The following COL4A5 variants were observed in gnomAD, a reference collection of about 807,000 sequenced individuals.
COL4A5 encodes the protein collagen type IV alpha 5 chain, also known as collagen alpha-5(IV) chain.
COL4A5 carries 26 observed loss-of-function variants against 130.2 expected under a neutral mutation model. That is an observed-to-expected ratio of 0.20 (90% CI 0.15 to 0.28). The LOEUF is 0.28. COL4A5 is among the 10% of genes least tolerant of loss of function. The pLI is 1.00. For missense variants in COL4A5, 1,131 were observed against 1,344.3 expected, an observed-to-expected ratio of 0.84 and a Z score of 2.48; for synonymous variants, 496 against 439.6, an observed-to-expected ratio of 1.13 and a Z score of -1.60.
chrX:108,642,440 A>C (rs750442245), intron 36 of COL4A5, among the ~76,000 whole-genome samples: 1 of 111,274 alleles, frequency 9.0e-6, no homozygotes, highest in South Asian at 3.8e-4. Context: ...CAGCCCCAAA[A>C]TAGAGCATTA....
In COL4A5 at chrX:108,652,958, T is replaced by C. The variant is rs143291882; in HGVS notation, c.3247-2373T>C. Among the ~76,000 whole-genome samples the C allele has an allele frequency of 7.1e-3, 794 of 111,848 alleles. 8 individuals are homozygous for C. Among genetic ancestry groups the C allele is most frequent in the African/African-American group, 0.025 (756 of 30,800 alleles). On this transcript the variant is annotated intron_variant, in intron 36 of 52. Coordinates refer to ENST00000328300, the MANE Select transcript of COL4A5 (RefSeq NM_033380.3). ...GTGTGTCCGAGTCATTCAAATCGCT[T>C]CTACCTAGAAGTGCAAATAGATTTG...
intron 43 of COL4A5, among the ~76,000 whole-genome samples, chrX:108,676,748 A>T (rs1405224352): frequency 8.9e-6 from 1 of 112,142 alleles, no homozygotes; most frequent in Admixed American, 9.5e-5. Flanking sequence ...GCATAGTAAT[A>T]AAAGCTGAAT....
At position 108,440,062 on chromosome X, in the gene COL4A5, A is replaced by T. The variant is rs1306955231; in HGVS notation, c.-64A>T. On this transcript the variant is annotated 5_prime_UTR_variant, in exon 1 of 53. Transcript: ENST00000328300. ...CCATATAAACCCTCAAGATTATGTCAATTGGTTAGAGCCAGCCGGGAATTT... is the reference window on the plus strand; with the variant it reads ...CCATATAAACCCTCAAGATTATGTCTATTGGTTAGAGCCAGCCGGGAATTT... 16 of 880,647 alleles carry T rather than the reference A, an allele frequency of 1.8e-5. No homozygotes were observed. Among genetic ancestry groups the T allele is most frequent in the Non-Finnish European group, 2.6e-5 (16 of 604,280 alleles). 72.6% of individuals were successfully genotyped at this position (880,647 alleles called of 1,213,427 possible).
intron 1 of COL4A5, among the ~76,000 whole-genome samples, chrX:108,494,613 T>G (rs2065019037): frequency 9.0e-6 from 1 of 110,505 alleles, no homozygotes; most frequent in Non-Finnish European, 1.9e-5. Flanking sequence ...TCAGTGCACT[T>G]CTAAGTTAGA....
chrX:108,652,573 A>C (rs868643679), intron 36 of COL4A5, among the ~76,000 whole-genome samples: 3 of 112,496 alleles, frequency 2.7e-5, no homozygotes, highest in Non-Finnish European at 5.6e-5. Context: ...TTTTACCAAT[A>C]GATGTCTTCT....
At chrX:108,689,858 G>T in intron 49 of COL4A5, 1 of 753,694 alleles carries the variant, frequency 1.3e-6, no homozygotes, top group Non-Finnish European at 1.6e-6. Flanking sequence ...TAACTATGGG[G>T]TATAGAGGGC....
At chrX:108,569,020 T>G (rs748673150) in intron 6 of COL4A5, 199 bp downstream of exon 6, 1 of 412,657 alleles carries the variant, frequency 2.4e-6, no homozygotes, top group East Asian at 3.9e-5. Flanking sequence ...TTAGCTGGGA[T>G]ATTGCATTGG....
At chrX:108,513,641 T>A (rs2065198034) in intron 1 of COL4A5, among the ~76,000 whole-genome samples, 1 of 111,705 alleles carries the variant, frequency 9.0e-6, no homozygotes, top group African/African-American at 3.2e-5. Flanking sequence ...TACCAGTTTT[T>A]TGTCAGATGT....
intron 24 of COL4A5, among the ~76,000 whole-genome samples, chrX:108,598,182 A>G (rs1216481301): frequency 9.0e-6 from 1 of 110,654 alleles, no homozygotes; most frequent in Non-Finnish European, 1.9e-5. Flanking sequence ...CAAGAGCAAA[A>G]CTCCATCACA....
In COL4A5 at chrX:108,526,600, CTTT is replaced by C. The variant is rs2065316997; in HGVS notation, c.82-13145_82-13143del. Among the ~76,000 whole-genome samples, 85 of 23,298 alleles carry C rather than the reference CTTT, an allele frequency of 3.6e-3. 2 individuals carry two copies. The highest frequency in any genetic ancestry group is 0.014 in the African/African-American group (67 of 4,947). 20.2% of individuals were successfully genotyped at this position (23,298 alleles called of 115,157 possible). On this transcript the variant is annotated intron_variant, in intron 1 of 52. Coordinates refer to ENST00000328300, the MANE Select transcript of COL4A5 (RefSeq NM_033380.3). ...CCCTCCCTCCCTCCCTCCCTCCTTTCTTTCTTTCTTTCTTTCTTTCTTTCTTTC... is the reference window on the plus strand; with the variant it reads ...CCCTCCCTCCCTCCCTCCCTCCTTTCCTTTCTTTCTTTCTTTCTTTCTTTC...
intron 7 of COL4A5, 50 bp from the exon 8 acceptor site, chrX:108,571,761 G>C (rs1462318595): frequency 1.1e-6 from 1 of 931,480 alleles, no homozygotes. Context: ...TGTAATTGGC[G>C]TGTTTCTCTC....
At chrX:108,589,288 T>C (rs759370364) in intron 19 of COL4A5, among the ~76,000 whole-genome samples, 12 of 110,290 alleles carry the variant, frequency 1.1e-4, no homozygotes, top group African/African-American at 3.9e-4. Flanking sequence ...TAGAGAAGAA[T>C]AGAAATAAAA....
intron 1 of COL4A5, among the ~76,000 whole-genome samples, chrX:108,528,053 C>T (rs1045607945): frequency 1.8e-5 from 2 of 112,040 alleles, no homozygotes; most frequent in Admixed American, 9.4e-5. Flanking sequence ...AGCAAGACAC[C>T]TGGAGGCCTA....
intron 1 of COL4A5, among the ~76,000 whole-genome samples, chrX:108,497,357 TG>T (rs1199748378): frequency 1.8e-5 from 2 of 112,206 alleles, no homozygotes; most frequent in Non-Finnish European, 3.8e-5. Context: ...TATAGATATA[TG>T]TTTTTTTAAT....
At chrX:108,550,654 C>A (rs1261095808) in intron 2 of COL4A5, among the ~76,000 whole-genome samples, 1 of 111,584 alleles carries the variant, frequency 9.0e-6, no homozygotes, top group East Asian at 2.8e-4. Flanking sequence ...CTCACCATTT[C>A]TATTCAACAT....
intron 49 of COL4A5, chrX:108,689,682 T>C (rs1445691622): frequency 5.3e-5 from 40 of 752,822 alleles, no homozygotes; most frequent in Non-Finnish European, 6.3e-5. Flanking sequence ...ACTTTGATGT[T>C]AAAGAAACAA....
intron 36 of COL4A5, among the ~76,000 whole-genome samples, chrX:108,647,536 A>G (rs2067624314): frequency 9.0e-6 from 1 of 111,434 alleles, no homozygotes; most frequent in African/African-American, 3.3e-5. Context: ...AATAGGGACA[A>G]TTTGACTTCC....
intron 12 of COL4A5, 67 bp from the exon 13 acceptor site, chrX:108,578,224 A>G (rs1462993424): frequency 9.0e-7 from 1 of 1,108,465 alleles, no homozygotes; most frequent in African/African-American, 1.8e-5. Flanking sequence ...ATCTTATCTT[A>G]CATGTTATAT....
At chrX:108,495,590 G>A (rs906645839) in intron 1 of COL4A5, among the ~76,000 whole-genome samples, 3 of 111,861 alleles carry the variant, frequency 2.7e-5, no homozygotes, top group Non-Finnish European at 5.6e-5. Flanking sequence ...AACATTATTG[G>A]GAAATTGGTG....
Sources: allele counts gnomAD v4.1 joint callset (sites outside exome capture counted in the v4.1 genomes callset), GRCh38; gene constraint gnomAD v4.1.1; transcripts MANE v1.5; gene names NCBI Gene and HGNC (gene_info 2026-07-23, HGNC 2026-07-21).